BRINP3: variants seen among roughly 807,000 people sequenced by gnomAD.
The protein encoded by BRINP3 is BMP/retinoic acid inducible neural specific 3, also known as BMP/retinoic acid-inducible neural-specific protein 3.
BRINP3 carries 19 observed loss-of-function variants against 71.0 expected under a neutral mutation model. That is an observed-to-expected ratio of 0.27 (90% CI 0.19 to 0.39). The LOEUF (loss-of-function observed/expected upper bound fraction) is 0.39, where lower values mean the gene tolerates loss of function less well. Ranked by LOEUF, BRINP3 falls within the 10% of genes least tolerant of loss-of-function variation. The probability of loss-of-function intolerance (pLI) is 1.00; values close to 1 mark genes in which losing one functional copy is unlikely to be tolerated. For missense variants in BRINP3, 959 were observed against 940.8 expected (o/e 1.02, Z -0.25); for synonymous variants, 380 against 337.7 (o/e 1.13, Z -1.37).
At chr1:190,181,665 T>G (rs1248537008) in intron 6 of BRINP3, among the ~76,000 whole-genome samples, 1 of 151,998 alleles carries the variant, frequency 6.6e-6, no homozygotes, top group Non-Finnish European at 1.5e-5. Context: ...TTACCTCCCC[T>G]TTAAGTTCCT....
At chr1:190,147,255 G>A (rs1244805290) in intron 7 of BRINP3, among the ~76,000 whole-genome samples, 1 of 152,112 alleles carries the variant, frequency 6.6e-6, no homozygotes, top group African/African-American at 2.4e-5. Flanking sequence ...TTCAAATTAT[G>A]TAGATTCAAG....
intron 7 of BRINP3, among the ~76,000 whole-genome samples, chr1:190,155,540 C>T (rs1373868147): frequency 6.6e-6 from 1 of 152,056 alleles, no homozygotes; most frequent in Admixed American, 6.6e-5. Flanking sequence ...CTGTGAATGG[C>T]AGCACAACAT....
chr1:190,425,696 G>A (rs1321181286), intron 2 of BRINP3, among the ~76,000 whole-genome samples: 1 of 151,750 alleles, frequency 6.6e-6, no homozygotes, highest in Non-Finnish European at 1.5e-5. Flanking sequence ...AAGAGGCTTA[G>A]CCACGTACAA....
At chr1:190,407,238 G>A (rs1302768493) in intron 2 of BRINP3, among the ~76,000 whole-genome samples, 1 of 151,996 alleles carries the variant, frequency 6.6e-6, no homozygotes, top group Non-Finnish European at 1.5e-5. Flanking sequence ...GAATCTCTTT[G>A]ATCATTATAG....
At chr1:190,344,122 C>A (rs1667852889) in intron 2 of BRINP3, among the ~76,000 whole-genome samples, 1 of 151,584 alleles carries the variant, frequency 6.6e-6, no homozygotes, top group Admixed American at 6.6e-5. Context: ...CCTTCAATTT[C>A]AGTAGAAAAA....
At chr1:190,241,032 A>G (rs1659039204) in intron 4 of BRINP3, among the ~76,000 whole-genome samples, 1 of 151,914 alleles carries the variant, frequency 6.6e-6, no homozygotes, top group Admixed American at 6.6e-5. Context: ...TATCTCCTTT[A>G]ATTAACTATA....
At chr1:190,476,067 C>T (rs547211304) in intron 1 of BRINP3, 7 of 151,850 alleles carry the variant, frequency 4.6e-5, no homozygotes, top group African/African-American at 1.2e-4. Context: ...TCTCAACCCC[C>T]GTTCCCTCTC....
At chr1:190,435,800 T>C (rs1674419603) in intron 2 of BRINP3, among the ~76,000 whole-genome samples, 1 of 151,958 alleles carries the variant, frequency 6.6e-6, no homozygotes, top group Non-Finnish European at 1.5e-5. Flanking sequence ...AGTACCATAC[T>C]TGTAGCATGA....
chr1:190,206,181 C>T (rs1655483321), intron 6 of BRINP3, among the ~76,000 whole-genome samples: 1 of 151,900 alleles, frequency 6.6e-6, no homozygotes, highest in South Asian at 2.1e-4. Flanking sequence ...ACAACACAGA[C>T]TTCATGGCAT....
intron 6 of BRINP3, among the ~76,000 whole-genome samples, chr1:190,195,739 T>C (rs1361274168): frequency 2.6e-5 from 4 of 152,080 alleles, no homozygotes; most frequent in Non-Finnish European, 4.4e-5. Context: ...TTTCTTCCTC[T>C]CAGTGGGAAA....
chr1:190,330,981 G>A (rs1262721264), intron 2 of BRINP3, among the ~76,000 whole-genome samples: 2 of 151,892 alleles, frequency 1.3e-5, no homozygotes, highest in Non-Finnish European at 2.9e-5. Flanking sequence ...AGGGGAGCGG[G>A]GAAGGAGTGG....
chr1:190,106,766 A>T (rs1275888275), intron 7 of BRINP3, among the ~76,000 whole-genome samples: 1 of 151,710 alleles, frequency 6.6e-6, no homozygotes, highest in Non-Finnish European at 1.5e-5. Flanking sequence ...ACATTTTAAA[A>T]CCTGGACTTA....
chr1:190,356,461 G>A (rs1003612902), intron 2 of BRINP3, among the ~76,000 whole-genome samples: 4 of 151,916 alleles, frequency 2.6e-5, no homozygotes, highest in African/African-American at 7.2e-5. Context: ...CATCCCAAAC[G>A]TATTAATTTC....
chr1:190,444,609 G>C (rs772749930), intron 2 of BRINP3, among the ~76,000 whole-genome samples: 3 of 151,520 alleles, frequency 2.0e-5, no homozygotes, highest in Middle Eastern at 3.2e-3. Context: ...AACTCAGCTC[G>C]CTGAAACCTC....
chr1:190,389,896 A>C (rs10920708), intron 2 of BRINP3, among the ~76,000 whole-genome samples: 26,534 of 151,720 alleles, frequency 0.17, 2,345 homozygotes, highest in Middle Eastern at 0.22. Context: ...AAATGGACAA[A>C]AATGGATTTT....
At chr1:190,105,375 G>C (rs1652063835) in intron 7 of BRINP3, among the ~76,000 whole-genome samples, 1 of 152,056 alleles carries the variant, frequency 6.6e-6, no homozygotes, top group African/African-American at 2.4e-5. Flanking sequence ...AGAAGGCAAT[G>C]AATAAGTGTG....
intron 7 of BRINP3, among the ~76,000 whole-genome samples, chr1:190,134,206 G>A (rs1015961836): frequency 2.1e-4 from 32 of 152,114 alleles, no homozygotes; most frequent in African/African-American, 7.5e-4. Flanking sequence ...TCTTCGTGGA[G>A]GTGATATTTC....
At chr1:190,209,332 C>T (rs1283362118) in intron 6 of BRINP3, among the ~76,000 whole-genome samples, 1 of 152,096 alleles carries the variant, frequency 6.6e-6, no homozygotes, top group African/African-American at 2.4e-5. Context: ...TTCCTTTGTC[C>T]TATCTCAGTA....
chr1:190,396,956 T>A (rs1380629388), intron 2 of BRINP3, among the ~76,000 whole-genome samples: 2 of 151,634 alleles, frequency 1.3e-5, no homozygotes, highest in South Asian at 4.2e-4. Context: ...TTTCTCCATT[T>A]TTAAAATGTC....
Sources: allele counts gnomAD v4.1 joint callset (sites outside exome capture counted in the v4.1 genomes callset), GRCh38; gene constraint gnomAD v4.1.1; transcripts MANE v1.5; gene names NCBI Gene and HGNC (gene_info 2026-07-23, HGNC 2026-07-21).